The following RPSA2 variants were observed in gnomAD, a reference collection of about 807,000 sequenced individuals.
RPSA2 encodes small ribosomal subunit protein uS2B.
the RPSA2 span, among the ~76,000 whole-genome samples, chr19:23,843,561 T>C: frequency 6.6e-4 from 101 of 152,304 alleles, no homozygotes; most frequent in African/African-American, 2.3e-3. Context: ...TGCTCTTCCA[T>C]TGCTTTGGGG....
the RPSA2 span, among the ~76,000 whole-genome samples, chr19:23,841,459 G>A: frequency 0.098 from 14,824 of 152,040 alleles, 997 homozygotes; most frequent in South Asian, 0.18. Flanking sequence ...GCCAGACTCC[G>A]TCTCAAAAAA....
At chr19:23,858,492 T>G in the RPSA2 span, among the ~76,000 whole-genome samples, 3 of 152,340 alleles carry the variant, frequency 2.0e-5, no homozygotes, top group Non-Finnish European at 2.9e-5. Flanking sequence ...CATTAACTGT[T>G]GTAGATACAG....
the RPSA2 span, among the ~76,000 whole-genome samples, chr19:23,777,969 T>A: frequency 6.6e-6 from 1 of 152,220 alleles, no homozygotes; most frequent in Non-Finnish European, 1.5e-5. Context: ...TAATACATAT[T>A]GCTGGTTTCA....
At chr19:23,766,449 TA>T in the RPSA2 span, among the ~76,000 whole-genome samples, 2 of 98,282 alleles carry the variant, frequency 2.0e-5, no homozygotes, top group African/African-American at 3.8e-5. Flanking sequence ...TTTCTCAAGC[TA>T]ATTTTTTTTT....
At chr19:23,869,135 C>G in the RPSA2 span, among the ~76,000 whole-genome samples, 2 of 152,184 alleles carry the variant, frequency 1.3e-5, no homozygotes, top group Admixed American at 6.5e-5. Flanking sequence ...TGGAGTGACA[C>G]TCCTCCTGAG....
chr19:23,832,185 T>G, the RPSA2 span: 1 of 423,726 alleles, frequency 2.4e-6, no homozygotes, highest in East Asian at 6.6e-5. Context: ...CAACCCTAAC[T>G]AGATATAAGA....
the RPSA2 span, among the ~76,000 whole-genome samples, chr19:23,835,506 C>T: frequency 2.6e-5 from 4 of 152,210 alleles, no homozygotes; most frequent in East Asian, 1.9e-4. Context: ...AATTTATTAC[C>T]GTGCAATCTT....
At chr19:23,771,607 C>T in the RPSA2 span, among the ~76,000 whole-genome samples, 3 of 151,994 alleles carry the variant, frequency 2.0e-5, no homozygotes, top group Non-Finnish European at 4.4e-5. Flanking sequence ...TATTGCTCAA[C>T]CCAGCATTTA....
At chr19:23,868,496 C>T in the RPSA2 span, among the ~76,000 whole-genome samples, 14 of 146,984 alleles carry the variant, frequency 9.5e-5, no homozygotes, top group Admixed American at 2.9e-4. Flanking sequence ...AACGTTACAA[C>T]GCATGTTGAG....
the RPSA2 span, among the ~76,000 whole-genome samples, chr19:23,861,408 G>A: frequency 6.6e-6 from 1 of 151,980 alleles, no homozygotes; most frequent in Non-Finnish European, 1.5e-5. Context: ...CCACACAGAG[G>A]ACCAACAGAA....
the RPSA2 span, among the ~76,000 whole-genome samples, chr19:23,783,689 C>T: frequency 2.6e-5 from 4 of 152,106 alleles, no homozygotes; most frequent in African/African-American, 9.7e-5. Flanking sequence ...CTGCCTGAGC[C>T]CTTCCCACAG....
chr19:23,768,005 T>C, the RPSA2 span, among the ~76,000 whole-genome samples: 38 of 152,032 alleles, frequency 2.5e-4, 1 homozygote, highest in Admixed American at 6.6e-5. Context: ...GACCTTATGA[T>C]CTGCCCACCT....
At chr19:23,847,140 T>C in the RPSA2 span, among the ~76,000 whole-genome samples, 1 of 152,058 alleles carries the variant, frequency 6.6e-6, no homozygotes, top group Non-Finnish European at 1.5e-5. Context: ...TGTTTCAGTC[T>C]ATTATTGAAT....
the RPSA2 span, among the ~76,000 whole-genome samples, chr19:23,778,026 CA>C: frequency 6.6e-6 from 1 of 152,140 alleles, no homozygotes; most frequent in Non-Finnish European, 1.5e-5. Flanking sequence ...TTCTATCCCC[CA>C]AAAAACTGAC....
chr19:23,859,996 T>C, the RPSA2 span, among the ~76,000 whole-genome samples: 96 of 152,338 alleles, frequency 6.3e-4, no homozygotes, highest in African/African-American at 2.0e-3. Flanking sequence ...CAAAAGTCTC[T>C]TAAAAAAGGG....
the RPSA2 span, among the ~76,000 whole-genome samples, chr19:23,814,991 A>G: frequency 1.3e-3 from 191 of 152,242 alleles, 1 homozygote; most frequent in African/African-American, 4.3e-3. Context: ...GACTACAAAC[A>G]TAAAGTACCA....
At chr19:23,848,625 T>G in the RPSA2 span, among the ~76,000 whole-genome samples, 1 of 152,242 alleles carries the variant, frequency 6.6e-6, no homozygotes, top group Non-Finnish European at 1.5e-5. Context: ...CCATTTCCCA[T>G]GAATGATCAG....
chr19:23,849,131 A>T, the RPSA2 span, among the ~76,000 whole-genome samples: 1 of 152,234 alleles, frequency 6.6e-6, no homozygotes, highest in Non-Finnish European at 1.5e-5. Flanking sequence ...TACATTGGGC[A>T]GTTTGTCCAA....
At chr19:23,769,108 G>A in the RPSA2 span, among the ~76,000 whole-genome samples, 1 of 152,192 alleles carries the variant, frequency 6.6e-6, no homozygotes, top group Non-Finnish European at 1.5e-5. Context: ...TGGGTCCATC[G>A]CTGAGACTGT....
Sources: gnomAD v4.1 joint callset for allele counts (sites outside exome capture counted in the v4.1 genomes callset) on GRCh38, gnomAD v4.1.1 for gene constraint, MANE v1.5 for transcripts, NCBI Gene and HGNC (gene_info 2026-07-23, HGNC 2026-07-21) for gene names.